Variants in UBE2E2 observed in about 807,000 individuals in gnomAD.
The protein encoded by UBE2E2 is ubiquitin conjugating enzyme E2 E2.
Under a neutral mutation model 24.7 loss-of-function variants are expected in UBE2E2, and 6 were observed. The ratio of observed to expected loss-of-function variants is 0.24; its 90% CI spans 0.13 to 0.48. The LOEUF (loss-of-function observed/expected upper bound fraction) is 0.48, where lower values mean the gene tolerates loss of function less well. UBE2E2 is among the 20% of genes least tolerant of loss of function. The pLI is 0.99. For missense variants in UBE2E2, 169 were observed against 245.0 expected (o/e 0.69, Z 2.07); for synonymous variants, 104 against 83.6 (o/e 1.24, Z -1.33).
At chr3:23,230,708 C>T (rs1696951343) in intron 3 of UBE2E2, among the ~76,000 whole-genome samples, 1 of 151,610 alleles carries the variant, frequency 6.6e-6, no homozygotes, top group Non-Finnish European at 1.5e-5. Context: ...ATCACTTGAA[C>T]CTGGGAGGCA....
At chr3:23,265,066 T>G (rs188489188) in intron 3 of UBE2E2, among the ~76,000 whole-genome samples, 126 of 152,292 alleles carry the variant, frequency 8.3e-4, no homozygotes, top group African/African-American at 2.5e-3. Context: ...TGTAGAAATG[T>G]CTTTGTAGAA....
At chr3:23,498,756 A>C (rs1253026615) in intron 3 of UBE2E2, among the ~76,000 whole-genome samples, 2 of 152,178 alleles carry the variant, frequency 1.3e-5, no homozygotes, top group Admixed American at 6.5e-5. Flanking sequence ...TGAGAGGCTG[A>C]GACCCAAGAA....
intron 3 of UBE2E2, among the ~76,000 whole-genome samples, chr3:23,263,565 T>C (rs1697959692): frequency 6.6e-6 from 1 of 152,198 alleles, no homozygotes; most frequent in Admixed American, 6.5e-5. Flanking sequence ...TGCTCATCTT[T>C]TATTTATTTA....
At chr3:23,284,999 C>T (rs1698582678) in intron 3 of UBE2E2, among the ~76,000 whole-genome samples, 1 of 149,930 alleles carries the variant, frequency 6.7e-6, no homozygotes, top group African/African-American at 2.5e-5. Flanking sequence ...ACCTGTTAAC[C>T]ATCTCCACTC....
At chr3:23,508,578 C>T (rs1694509397) in intron 4 of UBE2E2, among the ~76,000 whole-genome samples, 1 of 152,182 alleles carries the variant, frequency 6.6e-6, no homozygotes, top group Non-Finnish European at 1.5e-5. Flanking sequence ...ACCAACTGTA[C>T]GTTTGCACAA....
intron 5 of UBE2E2, among the ~76,000 whole-genome samples, chr3:23,543,734 G>A (rs919070244): frequency 6.6e-6 from 1 of 152,016 alleles, no homozygotes; most frequent in African/African-American, 2.4e-5. Flanking sequence ...AATTCATATG[G>A]AACAAAAAAA....
chr3:23,355,408 C>G (rs1695914639), intron 3 of UBE2E2, among the ~76,000 whole-genome samples: 1 of 152,028 alleles, frequency 6.6e-6, no homozygotes, highest in Admixed American at 6.6e-5. Flanking sequence ...GTCATGCTTC[C>G]TCTTATATCC....
intron 3 of UBE2E2, among the ~76,000 whole-genome samples, chr3:23,463,171 T>C (rs1440156081): frequency 1.3e-5 from 2 of 151,988 alleles, no homozygotes; most frequent in African/African-American, 4.8e-5. Flanking sequence ...AAATTATCTC[T>C]TTTTCCCCCT....
chr3:23,249,905 C>T (rs1036440672), intron 3 of UBE2E2, among the ~76,000 whole-genome samples: 1 of 152,192 alleles, frequency 6.6e-6, no homozygotes, highest in Non-Finnish European at 1.5e-5. Flanking sequence ...ATCCGCCTGC[C>T]TCTGCCTCCC....
intron 3 of UBE2E2, among the ~76,000 whole-genome samples, chr3:23,266,586 A>G (rs1405317960): frequency 6.6e-6 from 1 of 151,686 alleles, no homozygotes; most frequent in East Asian, 1.9e-4. Context: ...TTTTTCCTTC[A>G]TTTCAACTTT....
rs568538839 is a variant in UBE2E2 at position 23,499,940 on chromosome 3, G to T, written c.360+200G>T. On this transcript the variant is annotated intron_variant, in intron 4 of 5. Coordinates refer to ENST00000396703, the MANE Select transcript of UBE2E2 (RefSeq NM_152653.4). ...ACCCCAGCTTTTTACTGATTTCATT[G>T]TTTTTTTTCTCCTCCTTTTTCTCCT... 3.3e-5 allele frequency among the ~76,000 whole-genome samples: 5 copies of T among 151,882 alleles called. 1 individual carries two copies. In the East Asian group the frequency reaches 7.7e-4, roughly 24 times the overall value.
intron 3 of UBE2E2, among the ~76,000 whole-genome samples, chr3:23,378,143 A>G (rs1335117667): frequency 6.6e-6 from 1 of 151,700 alleles, no homozygotes; most frequent in African/African-American, 2.4e-5. Flanking sequence ...AAAAATACAA[A>G]CTGAGCTCAG....
intron 3 of UBE2E2, among the ~76,000 whole-genome samples, chr3:23,295,272 G>C (rs1374655815): frequency 2.0e-5 from 3 of 152,164 alleles, no homozygotes; most frequent in African/African-American, 4.8e-5. Flanking sequence ...ACTGCTCTCT[G>C]ATCCTTGCTT....
chr3:23,475,071 C>T (rs991359543), intron 3 of UBE2E2, among the ~76,000 whole-genome samples: 30 of 152,088 alleles, frequency 2.0e-4, no homozygotes, highest in Admixed American at 1.2e-3. Context: ...TTCTTCTCCT[C>T]GAAGTGCTCC....
intron 3 of UBE2E2, among the ~76,000 whole-genome samples, chr3:23,236,491 T>A (rs1454696612): frequency 2.0e-5 from 3 of 151,854 alleles, no homozygotes; most frequent in Non-Finnish European, 4.4e-5. Context: ...TCCTTTTTTT[T>A]TTTTTTTTGG....
intron 5 of UBE2E2, among the ~76,000 whole-genome samples, chr3:23,561,050 T>A (rs545754953): frequency 4.6e-5 from 7 of 152,364 alleles, no homozygotes; most frequent in South Asian, 2.1e-4. Flanking sequence ...TTTCTTTTGC[T>A]GTGCAGAAGC....
At chr3:23,389,832 G>A in intron 3 of UBE2E2, 1 of 164,034 alleles carries the variant, frequency 6.1e-6, no homozygotes, top group Non-Finnish European at 1.3e-5. Flanking sequence ...CCCTTGGTCT[G>A]TCACAGTCCT....
rs540066783 is a variant in UBE2E2, at chr3:23,506,853, G to A, written c.360+7113G>A. Among the ~76,000 whole-genome samples, 26 of 152,172 alleles carry A rather than the reference G, an allele frequency of 1.7e-4. 1 individual carries two copies. The highest frequency in any genetic ancestry group is 6.3e-4 in the African/African-American group (26 of 41,508). ...TCGCCATGTTGCCCAGGCTGATCTC[G>A]AACTCCTGAGCTCAAGCAATCCGTC... On this transcript the variant is annotated intron_variant, in intron 4 of 5. Coordinates refer to ENST00000396703, the MANE Select transcript of UBE2E2 (RefSeq NM_152653.4).
chr3:23,527,978 A>G (rs1695039183), intron 4 of UBE2E2, among the ~76,000 whole-genome samples: 1 of 152,212 alleles, frequency 6.6e-6, no homozygotes, highest in South Asian at 2.1e-4. Flanking sequence ...ATTGAACCTG[A>G]GGAGGGGGTT....
Sources: gnomAD v4.1 joint callset for allele counts (sites outside exome capture counted in the v4.1 genomes callset) on GRCh38, gnomAD v4.1.1 for gene constraint, MANE v1.5 for transcripts, NCBI Gene and HGNC (gene_info 2026-07-23, HGNC 2026-07-21) for gene names.